The following DSCAM variants were observed in gnomAD, a reference collection of about 807,000 sequenced individuals.
DSCAM encodes cell adhesion molecule DSCAM.
DSCAM carries 47 observed loss-of-function variants against 217.7 expected under a neutral mutation model. The ratio of observed to expected loss-of-function variants is 0.22; its 90% CI spans 0.17 to 0.28. The LOEUF (loss-of-function observed/expected upper bound fraction) is 0.28, where lower values mean the gene tolerates loss of function less well. Among genes scored for constraint, DSCAM ranks in the 10% least tolerant of loss-of-function variants. The pLI is 1.00. For missense variants in DSCAM, 2,080 were observed against 2,618.3 expected, an observed-to-expected ratio of 0.79 and a Z score of 4.49; for synonymous variants, 1,056 against 1,015.3, an observed-to-expected ratio of 1.04 and a Z score of -0.76.
At chr21:40,800,719 T>TC (rs1399636089) in intron 1 of DSCAM, among the ~76,000 whole-genome samples, 2 of 149,900 alleles carry the variant, frequency 1.3e-5, no homozygotes, top group African/African-American at 4.9e-5. Context: ...TACTTTCTTT[T>TC]TTTTTTTTTT....
chr21:40,524,838 G>A (rs528578910), intron 3 of DSCAM, among the ~76,000 whole-genome samples: 1 of 151,790 alleles, frequency 6.6e-6, no homozygotes, highest in East Asian at 1.9e-4. Flanking sequence ...GTGAAACCCT[G>A]TCTCTACTAA....
At chr21:40,175,410 G>C (rs1034002203) in intron 15 of DSCAM, among the ~76,000 whole-genome samples, 3 of 152,140 alleles carry the variant, frequency 2.0e-5, no homozygotes, top group Non-Finnish European at 4.4e-5. Context: ...TACCGTGCCT[G>C]GCTCAGAAGT....
chr21:40,409,187 A>G (rs564159691), intron 3 of DSCAM, among the ~76,000 whole-genome samples: 101 of 152,234 alleles, frequency 6.6e-4, no homozygotes, highest in Non-Finnish European at 5.3e-4. Context: ...ATTGAGAGCT[A>G]TGGCATTAAA....
intron 3 of DSCAM, among the ~76,000 whole-genome samples, chr21:40,444,759 G>A (rs1450530967): frequency 6.6e-6 from 1 of 152,124 alleles, no homozygotes; most frequent in Non-Finnish European, 1.5e-5. Flanking sequence ...TAGGATCAAG[G>A]TCTTCTGATG....
chr21:40,362,296 A>T (rs933951512), intron 4 of DSCAM, among the ~76,000 whole-genome samples: 1 of 152,230 alleles, frequency 6.6e-6, no homozygotes, highest in Non-Finnish European at 1.5e-5. Context: ...TAATAATAAA[A>T]AAAAAGAAAC....
intron 1 of DSCAM, among the ~76,000 whole-genome samples, chr21:40,709,291 G>A (rs920854074): frequency 1.3e-5 from 2 of 152,142 alleles, no homozygotes; most frequent in African/African-American, 4.8e-5. Flanking sequence ...GGGTTATTAT[G>A]CAATGAAATT....
At chr21:40,293,130 A>G (rs1174796478) in intron 10 of DSCAM, among the ~76,000 whole-genome samples, 3 of 151,890 alleles carry the variant, frequency 2.0e-5, no homozygotes, top group African/African-American at 7.3e-5. Context: ...GGTATCCAAC[A>G]CCCCCTCTGA....
chr21:40,300,455 C>T (rs1280821606), intron 9 of DSCAM, among the ~76,000 whole-genome samples: 1 of 152,222 alleles, frequency 6.6e-6, no homozygotes, highest in African/African-American at 2.4e-5. Flanking sequence ...GGCACAGCCC[C>T]TCTGTCCACC....
chr21:40,587,772 G>C (rs2076957122), intron 3 of DSCAM, among the ~76,000 whole-genome samples: 1 of 152,080 alleles, frequency 6.6e-6, no homozygotes, highest in African/African-American at 2.4e-5. Context: ...GTGTGAGCTG[G>C]AGTTGAAAGT....
At chr21:40,707,532 T>C (rs2090731024) in intron 2 of DSCAM, among the ~76,000 whole-genome samples, 1 of 152,208 alleles carries the variant, frequency 6.6e-6, no homozygotes, top group Non-Finnish European at 1.5e-5. Context: ...AAACACCTCA[T>C]ATTTTTCTCA....
At chr21:40,085,852 A>C (rs2089526108) in intron 22 of DSCAM, 87 bp from the exon 23 acceptor site, 1 of 1,181,350 alleles carries the variant, frequency 8.5e-7, no homozygotes, top group Non-Finnish European at 1.1e-6. Context: ...GACTCTGTGA[A>C]GCAAACCACA....
At chr21:40,146,230 G>A (rs2090355243) in intron 16 of DSCAM, among the ~76,000 whole-genome samples, 2 of 151,404 alleles carry the variant, frequency 1.3e-5, no homozygotes, top group Admixed American at 6.6e-5. Context: ...GTCTGAAGTG[G>A]TGGGAAGACT....
intron 3 of DSCAM, among the ~76,000 whole-genome samples, chr21:40,411,974 C>G (rs764093269): frequency 6.6e-6 from 1 of 152,112 alleles, no homozygotes; most frequent in Non-Finnish European, 1.5e-5. Flanking sequence ...TTGGGTCTTT[C>G]GCTTTCCTGT....
intron 1 of DSCAM, among the ~76,000 whole-genome samples, chr21:40,769,908 T>A (rs1009007693): frequency 2.0e-5 from 3 of 152,262 alleles, no homozygotes; most frequent in Middle Eastern, 3.4e-3. Flanking sequence ...TAAATAATAT[T>A]CCATCCACTG....
chr21:40,332,282 G>A (rs1452454511), intron 8 of DSCAM, among the ~76,000 whole-genome samples: 3 of 152,168 alleles, frequency 2.0e-5, no homozygotes, highest in Non-Finnish European at 2.9e-5. Flanking sequence ...GCTGCAATAC[G>A]AATTATTCTT....
intron 3 of DSCAM, among the ~76,000 whole-genome samples, chr21:40,453,682 C>T (rs561751375): frequency 1.3e-5 from 2 of 152,250 alleles, no homozygotes; most frequent in African/African-American, 4.8e-5. Flanking sequence ...CATCAAAGTG[C>T]TACAACTCTT....
At chr21:40,413,723 T>G (rs2075344405) in intron 3 of DSCAM, among the ~76,000 whole-genome samples, 1 of 152,226 alleles carries the variant, frequency 6.6e-6, no homozygotes, top group Admixed American at 6.5e-5. Context: ...TAGAGTTACC[T>G]AATCAAGACA....
At chr21:40,529,740 CCTTTT>C (rs1051984113) in intron 3 of DSCAM, among the ~76,000 whole-genome samples, 3 of 152,118 alleles carry the variant, frequency 2.0e-5, no homozygotes, top group Non-Finnish European at 4.4e-5. Flanking sequence ...TTCAGAACCT[CCTTTT>C]CTTTTTAGAT....
chr21:40,398,446 T>C (rs2075201931), intron 3 of DSCAM, among the ~76,000 whole-genome samples: 1 of 152,080 alleles, frequency 6.6e-6, no homozygotes, highest in African/African-American at 2.4e-5. Context: ...CCCTATCCCA[T>C]GTTTAAAATA....
Sources: gnomAD v4.1 joint callset for allele counts (sites outside exome capture counted in the v4.1 genomes callset) on GRCh38, gnomAD v4.1.1 for gene constraint, MANE v1.5 for transcripts, NCBI Gene and HGNC (gene_info 2026-07-23, HGNC 2026-07-21) for gene names.